Variants in THRA observed in about 807,000 individuals in gnomAD.
THRA encodes thyroid hormone receptor alpha.
In THRA, 13 loss-of-function variants were observed where a neutral mutation model predicts 45.0. The ratio of observed to expected loss-of-function variants is 0.29; its 90% CI spans 0.19 to 0.46. THRA has a LOEUF of 0.46. THRA is among the 20% of genes least tolerant of loss of function. The pLI, the probability that THRA is intolerant of heterozygous loss-of-function variation, is 1.00. For synonymous variants in THRA, 195 were observed against 214.0 expected, an observed-to-expected ratio of 0.91 and a Z score of 0.78; for missense variants, 278 against 556.1, an observed-to-expected ratio of 0.50 and a Z score of 5.03.
At chr17:40,069,215 T>A (rs947659079) in intron 1 of THRA, among the ~76,000 whole-genome samples, 2 of 147,486 alleles carry the variant, frequency 1.4e-5, no homozygotes, top group African/African-American at 5.0e-5. Context: ...CTCTCAATCT[T>A]TCTCTCTTCC....
intron 5 of THRA, 91 bp from the exon 6 acceptor site, chr17:40,084,519 A>G: frequency 6.8e-7 from 1 of 1,468,982 alleles, no homozygotes; most frequent in Non-Finnish European, 9.4e-7. Flanking sequence ...GGTTTCTCCA[A>G]CCTGTACTCT....
Position 40,092,938 on chromosome 17 carries a change from AG to A in THRA, c.*3487del. The A allele has an allele frequency of 6.5e-7, 1 of 1,530,130 alleles. No homozygotes were observed. The highest frequency in any genetic ancestry group is 1.4e-5 in the African/African-American group (1 of 72,108). 94.8% of individuals were successfully genotyped at this position (1,530,130 alleles called of 1,614,324 possible). A position where few individuals can be genotyped will look rare whatever the true frequency, so the allele number is the denominator to read the frequency against. Reference sequence around the variant, plus strand: ...GAGGCAGGTATTTACAAGAAGGCTCAGGGGGCCAGAGGCTCATCTTGGAATA... The same window carrying A: ...GAGGCAGGTATTTACAAGAAGGCTCAGGGGCCAGAGGCTCATCTTGGAATA... On this transcript the variant is annotated 3_prime_UTR_variant, in exon 9 of 9. Coordinates refer to ENST00000450525, the MANE Select transcript of THRA (RefSeq NM_199334.5).
intron 1 of THRA, among the ~76,000 whole-genome samples, chr17:40,070,000 G>T (rs985239769): frequency 2.0e-5 from 3 of 151,612 alleles, no homozygotes; most frequent in Non-Finnish European, 4.4e-5. Context: ...CTGCAGGGGG[G>T]GTTTCCTGTT....
At position 40,074,244 on chromosome 17, in the gene THRA, G is replaced by C; in HGVS notation, c.-245G>C. The C allele has an allele frequency of 1.8e-6, 1 of 550,008 alleles. No homozygotes were observed. The highest frequency in any genetic ancestry group is 3.3e-6 in the Non-Finnish European group (1 of 304,406). The allele number at this position is 550,008 out of a possible 1,614,324, so 34.1% of individuals were successfully genotyped here. A position where few individuals can be genotyped will look rare whatever the true frequency, so the allele number is the denominator to read the frequency against. ...AGCTACTCCCCCAGCACACAGCCCG[G>C]GACCCACAAACCCAGCTTGCCCCCA... On this transcript the variant is annotated 5_prime_UTR_variant, in exon 2 of 9. Coordinates refer to ENST00000450525, the MANE Select transcript of THRA (RefSeq NM_199334.5).
At chr17:40,093,020 G>C (rs1386266380), downstream of THRA, 1 of 1,610,172 alleles carries the variant, frequency 6.2e-7, no homozygotes, top group Non-Finnish European at 8.5e-7. This position sits in a 1 kb window ranked among gnomAD's most constrained non-coding sequence, Gnocchi z 5.9. Flanking sequence ...TCTCGTAAAG[G>C]AGAGAGAAGT....
chr17:40,069,205 C>CAA (rs1986687619), intron 1 of THRA, among the ~76,000 whole-genome samples: 1 of 149,142 alleles, frequency 6.7e-6, no homozygotes, highest in African/African-American at 2.5e-5. Flanking sequence ...CACACACACA[C>CAA]TCTCAATCTT....
rs2145089390 is a variant in THRA at position 40,090,507 on chromosome 17, C to T, written c.*1051C>T. 6.6e-6 allele frequency: 1 copy of T among 152,554 alleles called. No individual in the cohort carries two copies. The highest frequency in any genetic ancestry group is 2.4e-5 in the African/African-American group (1 of 41,540). 9.5% of individuals were successfully genotyped at this position (152,554 alleles called of 1,614,324 possible). A position where few individuals can be genotyped will look rare whatever the true frequency, so the allele number is the denominator to read the frequency against. ...AAAAAACTGTGGCTCCAACTCCTAC[C>T]CTCCTTATATCCTGCAGTATTAGCT... On this transcript the variant is annotated 3_prime_UTR_variant, in exon 9 of 9. Coordinates refer to ENST00000450525, the MANE Select transcript of THRA (RefSeq NM_199334.5).
At chr17:40,068,293 C>G (rs1355959091) in intron 1 of THRA, among the ~76,000 whole-genome samples, 6 of 152,208 alleles carry the variant, frequency 3.9e-5, no homozygotes, top group Non-Finnish European at 7.3e-5. Flanking sequence ...GTGGGATGAC[C>G]CCTGTGTTCA....
chr17:40,069,450 A>G (rs376373114), intron 1 of THRA, among the ~76,000 whole-genome samples: 12 of 151,274 alleles, frequency 7.9e-5, no homozygotes, highest in South Asian at 6.3e-4. Context: ...AACTTCTTCT[A>G]CTGCCTTAGA....
intron 2 of THRA, among the ~76,000 whole-genome samples, chr17:40,076,331 CTGTG>C (rs1986952259): frequency 6.6e-6 from 1 of 152,166 alleles, no homozygotes; most frequent in African/African-American, 2.4e-5. Context: ...TATGAGGTGC[CTGTG>C]CAGAGTGTTG....
intron 1 of THRA, among the ~76,000 whole-genome samples, chr17:40,072,699 C>A (rs1167686485): frequency 2.0e-5 from 3 of 152,108 alleles, no homozygotes; most frequent in Admixed American, 6.5e-5. Flanking sequence ...CCCTGCCCCT[C>A]ACTGTCTGGC....
Position 40,088,451 on chromosome 17 carries a change from G to A in THRA, c.933G>A (p.Leu311=), listed in dbSNP as rs1185447916. The part of the protein sequence containing the change: ...ELGKSLSAFN[L]DDTEVALLQA... ...GCAAGTCACTCTCTGCCTTTAACCTGGATGACACGGAAGTGGCTCTGCTGC... is the reference window on the plus strand; with the variant it reads ...GCAAGTCACTCTCTGCCTTTAACCTAGATGACACGGAAGTGGCTCTGCTGC... The change falls in exon 8 of 9, where the codon CTG becomes CTA. Residue 311 remains leucine, a synonymous_variant. Coordinates refer to ENST00000450525, the MANE Select transcript of THRA (RefSeq NM_199334.5). The A allele has an allele frequency of 3.7e-6, 6 of 1,613,896 alleles. No individual in the cohort carries two copies. The highest frequency in any genetic ancestry group is 5.1e-6 in the Non-Finnish European group (6 of 1,179,942).
chr17:40,089,069 C>T lies in THRA; in HGVS notation c.983-137C>T. The T allele has an allele frequency of 4.7e-6, 3 of 636,938 alleles. No homozygotes were observed. Among genetic ancestry groups the T allele is most frequent in the Non-Finnish European group, 5.0e-6 (2 of 400,168 alleles). 39.5% of individuals were successfully genotyped at this position (636,938 alleles called of 1,614,324 possible). A position where few individuals can be genotyped will look rare whatever the true frequency, so the allele number is the denominator to read the frequency against. ...TCCTGTCCACGTCTCTCAGGGGGAG[C>T]TTCTCCCCTCCCCTCCCCCAGCCTC... is the stretch of plus-strand genomic sequence containing the variant. On this transcript the variant is annotated intron_variant, in intron 8 of 8. Transcript: ENST00000450525. This position sits in a 1 kb window ranked among gnomAD's most constrained non-coding sequence, Gnocchi z 6.1.
chr17:40,069,706 G>T (rs932438403), intron 1 of THRA, among the ~76,000 whole-genome samples: 7 of 152,098 alleles, frequency 4.6e-5, no homozygotes, highest in African/African-American at 1.7e-4. Flanking sequence ...GGCAGGGGGG[G>T]CGTGAAGTTC....
chr17:40,072,898 C>T (rs372655700), intron 1 of THRA, among the ~76,000 whole-genome samples: 2 of 152,162 alleles, frequency 1.3e-5, no homozygotes, highest in Admixed American at 6.5e-5. Context: ...CATGCCCCCC[C>T]ACCCCAGTCT....
At chr17:40,093,265 T>A, downstream of THRA, 1 of 1,613,578 alleles carries the variant, frequency 6.2e-7, no homozygotes, top group Non-Finnish European at 8.5e-7. This position sits in a 1 kb window ranked among gnomAD's most constrained non-coding sequence, Gnocchi z 5.9. Context: ...GAAGCGGAAT[T>A]CTCCATGCCC....
At chr17:40,080,489 C>T (rs984442295) in intron 4 of THRA, among the ~76,000 whole-genome samples, 1 of 151,816 alleles carries the variant, frequency 6.6e-6, no homozygotes, top group Admixed American at 6.6e-5. Flanking sequence ...TCAACCAAAC[C>T]AAGACCATGA....
rs1473530339 is a variant in THRA at position 40,089,233 on chromosome 17, A to G, written c.1010A>G (p.Lys337Arg). The change falls in exon 9 of 9, where the codon AAG (lysine) becomes AGG (arginine). Residue 337 changes from lysine (K) to arginine (R), a missense_variant. By Grantham distance (26) the Lys-to-Arg change is conservative (BLOSUM62 2). Coordinates refer to ENST00000450525, the MANE Select transcript of THRA (RefSeq NM_199334.5). This position sits in a 1 kb window ranked among gnomAD's most constrained non-coding sequence, Gnocchi z 6.1. ...TDRSGLLCVD[K>R]IEKSQEAYLL... is the part of the protein sequence containing the mutation. Reference sequence around the variant, plus strand: ...CGCTCGGGCCTGCTGTGTGTGGACAAGATCGAGAAGAGTCAGGAGGCGTAC... The same window carrying G: ...CGCTCGGGCCTGCTGTGTGTGGACAGGATCGAGAAGAGTCAGGAGGCGTAC... The G allele has an allele frequency of 1.9e-6, 3 of 1,613,834 alleles. No individual in the cohort carries two copies. The highest frequency in any genetic ancestry group is 2.5e-6 in the Non-Finnish European group (3 of 1,180,002).
Position 40,083,129 on chromosome 17 carries a change from G to A in THRA, c.223-706G>A, listed in dbSNP as rs1463416381. ...TTTTTAGTAGAGACAGGGTTTCACC[G>A]TGTTAGCCAGGATGGTCTCGATCTC... On this transcript the variant is annotated intron_variant, in intron 4 of 8. Transcript: ENST00000450525. Among the ~76,000 whole-genome samples, 8 of 151,328 alleles carry A rather than the reference G, an allele frequency of 5.3e-5. No homozygotes were observed. The South Asian group carries it at 1.5e-3, about 28-fold the overall frequency.
Sources: allele counts gnomAD v4.1 joint callset (sites outside exome capture counted in the v4.1 genomes callset), GRCh38; gene constraint gnomAD v4.1.1; non-coding constraint Gnocchi (gnomAD v3.1); transcripts MANE v1.5; gene names NCBI Gene and HGNC (gene_info 2026-07-23, HGNC 2026-07-21).